The following ELMO1 variants were observed in gnomAD, a reference collection of about 807,000 sequenced individuals.
ELMO1 encodes the protein engulfment and cell motility protein 1.
Under a neutral mutation model 98.9 loss-of-function variants are expected in ELMO1, and 26 were observed. The observed-to-expected ratio is 0.26, with a 90% CI of 0.19 to 0.36. The LOEUF is 0.36. Among genes scored for constraint, ELMO1 ranks in the 10% least tolerant of loss-of-function variants. ELMO1 has a pLI of 1.00. For missense variants in ELMO1, 627 were observed against 935.2 expected, an observed-to-expected ratio of 0.67 and a Z score of 4.30; for synonymous variants, 346 against 346.0, an observed-to-expected ratio of 1.00 and a Z score of 0.00.
chr7:36,950,322 T>G (rs1355049954), intron 16 of ELMO1, among the ~76,000 whole-genome samples: 1 of 152,218 alleles, frequency 6.6e-6, no homozygotes, highest in Non-Finnish European at 1.5e-5. Context: ...TAGCTTTTTA[T>G]GTAACCAGCC....
Position 37,103,574 on chromosome 7 carries a change from A to G in ELMO1, c.1192-6847T>C, listed in dbSNP as rs562314249. Reference sequence around the variant, plus strand: ...TATGATACCTAACATTAGGTTATCTAATGTTAAATGACGAGTTAATGGGTG... The same window carrying G: ...TATGATACCTAACATTAGGTTATCTGATGTTAAATGACGAGTTAATGGGTG... On this transcript the variant is annotated intron_variant, in intron 14 of 21. Coordinates refer to ENST00000310758, the MANE Select transcript of ELMO1 (RefSeq NM_014800.11). Among the ~76,000 whole-genome samples the G allele has an allele frequency of 2.1e-3, 320 of 152,066 alleles. 1 individual carries two copies. Among genetic ancestry groups the G allele is most frequent in the East Asian group, 2.3e-3 (12 of 5,160 alleles).
intron 13 of ELMO1, among the ~76,000 whole-genome samples, chr7:37,138,631 A>G (rs1787420242): frequency 6.6e-6 from 1 of 152,226 alleles, no homozygotes; most frequent in Non-Finnish European, 1.5e-5. Flanking sequence ...TCACAGCTGA[A>G]TTCTATCAGA....
intron 4 of ELMO1, among the ~76,000 whole-genome samples, chr7:37,305,041 C>T (rs1330874325): frequency 6.6e-6 from 1 of 152,136 alleles, no homozygotes; most frequent in Admixed American, 6.6e-5. Flanking sequence ...TTTTCCTTCA[C>T]AGAAGCTCTA....
chr7:37,315,226 G>C (rs1799091398), intron 3 of ELMO1, among the ~76,000 whole-genome samples: 1 of 152,102 alleles, frequency 6.6e-6, no homozygotes, highest in South Asian at 2.1e-4. Context: ...CTTATTTTAA[G>C]GGATTGAAGC....
intron 13 of ELMO1, among the ~76,000 whole-genome samples, chr7:37,188,682 C>A (rs1028418397): frequency 6.6e-6 from 1 of 151,652 alleles, no homozygotes; most frequent in African/African-American, 2.4e-5. Context: ...TTAGAAACAG[C>A]CACTTTCTAA....
chr7:36,966,359 T>C (rs1273588514), intron 16 of ELMO1, among the ~76,000 whole-genome samples: 3 of 152,210 alleles, frequency 2.0e-5, no homozygotes, highest in Admixed American at 6.5e-5. Flanking sequence ...TGGAATCCTT[T>C]GTGTAACACT....
At chr7:37,332,610 G>A (rs1410801939) in intron 2 of ELMO1, among the ~76,000 whole-genome samples, 1 of 152,224 alleles carries the variant, frequency 6.6e-6, no homozygotes, top group Non-Finnish European at 1.5e-5. Context: ...ATAATTTCTA[G>A]TTAAGAGAAA....
intron 15 of ELMO1, among the ~76,000 whole-genome samples, chr7:37,091,040 G>A (rs527807262): frequency 6.6e-6 from 1 of 152,300 alleles, no homozygotes; most frequent in Non-Finnish European, 1.5e-5. Context: ...ATTCAAAAGA[G>A]AGTAATTGAT....
rs911958587 is a variant in ELMO1, at chr7:36,963,088, G to C, written c.1437+50211C>G. On this transcript the variant is annotated intron_variant, in intron 16 of 21. Transcript: ENST00000310758. ...ACACTTGAGTGTCATGTAGTAATTAGTAATGGCATCTTTGAGCTGGGCGTG... is the reference window on the plus strand; with the variant it reads ...ACACTTGAGTGTCATGTAGTAATTACTAATGGCATCTTTGAGCTGGGCGTG... Among the ~76,000 whole-genome samples, 4 of 152,168 alleles carry C rather than the reference G, an allele frequency of 2.6e-5. No individual in the cohort carries two copies. In the East Asian group the frequency reaches 7.7e-4, roughly 29 times the overall value.
At chr7:37,161,753 A>G (rs1291397120) in intron 13 of ELMO1, among the ~76,000 whole-genome samples, 1 of 150,882 alleles carries the variant, frequency 6.6e-6, no homozygotes, top group East Asian at 2.0e-4. Flanking sequence ...AAACACTTTA[A>G]TTACTACCTT....
intron 4 of ELMO1, among the ~76,000 whole-genome samples, chr7:37,300,816 T>C (rs1798301962): frequency 1.3e-5 from 2 of 151,658 alleles, no homozygotes; most frequent in African/African-American, 4.8e-5. Flanking sequence ...TCTTTTTCTA[T>C]TGATTGGAAT....
Position 36,855,796 on chromosome 7 carries a change from C to T in ELMO1, c.1984-45G>A, listed in dbSNP as rs1466285286. On this transcript the variant is annotated intron_variant, in intron 21 of 21. Coordinates refer to ENST00000310758, the MANE Select transcript of ELMO1 (RefSeq NM_014800.11). The surrounding 1 kb of genome is among the most constrained non-coding windows in gnomAD (Gnocchi z 4.2). ...CAGCGATCATTACTGGTGGCAATTA[C>T]AGAAGTATTAATAGTAAAAATAGCT... 6.2e-7 allele frequency: 1 copy of T among 1,607,886 alleles called. No individual in the cohort carries two copies. The highest frequency in any genetic ancestry group is 1.1e-5 in the South Asian group (1 of 90,860).
At chr7:37,408,933 G>T (rs145294928) in intron 1 of ELMO1, among the ~76,000 whole-genome samples, 182 of 152,254 alleles carry the variant, frequency 1.2e-3, no homozygotes, top group African/African-American at 4.2e-3. Context: ...CAAAAAAATT[G>T]TTTTAATAAA....
intron 1 of ELMO1, among the ~76,000 whole-genome samples, chr7:37,417,050 G>A (rs1583720924): frequency 6.6e-6 from 1 of 152,288 alleles, no homozygotes; most frequent in East Asian, 1.9e-4. Flanking sequence ...ACTCTGCCAA[G>A]CATGATTTCA....
chr7:37,415,309 G>A (rs1001569772), intron 1 of ELMO1, among the ~76,000 whole-genome samples: 1 of 152,196 alleles, frequency 6.6e-6, no homozygotes, highest in Non-Finnish European at 1.5e-5. Flanking sequence ...AAATACAGAG[G>A]TCTTTGGAAT....
At chr7:36,909,275 T>C (rs576762056) in intron 16 of ELMO1, among the ~76,000 whole-genome samples, 2 of 152,338 alleles carry the variant, frequency 1.3e-5, no homozygotes, top group East Asian at 3.9e-4. Context: ...TTATTATAAA[T>C]GAAATCCATC....
chr7:37,161,905 A>AATATATATATATATATATATAT (rs6150082), intron 13 of ELMO1, among the ~76,000 whole-genome samples: 939 of 42,246 alleles, frequency 0.022, 133 homozygotes, highest in Non-Finnish European at 0.031. Context: ...CAGGTAATCA[A>AATATATATATATATATATATAT]ATATATATAT....
At position 37,342,879 on chromosome 7, in the gene ELMO1, G is replaced by A. The variant is rs73112678; in HGVS notation, c.-73-116C>T. ...TTTGGTATGAAAAACGGCTCCCCTT[G>A]GTGCCTGGGTGCTGAAGGTGCAGGG... On this transcript the variant is annotated intron_variant, in intron 1 of 21. Transcript: ENST00000310758. The surrounding 1 kb of genome is among the most constrained non-coding windows in gnomAD (Gnocchi z 4.3). The A allele has an allele frequency of 5.5e-6, 3 of 549,484 alleles. No homozygotes were observed. Among genetic ancestry groups the A allele is most frequent in the Non-Finnish European group, 6.3e-6 (2 of 315,150 alleles). 34.0% of individuals were successfully genotyped at this position (549,484 alleles called of 1,614,324 possible).
intron 14 of ELMO1, among the ~76,000 whole-genome samples, chr7:37,129,902 G>A (rs145901956): frequency 3.9e-3 from 592 of 152,182 alleles, no homozygotes; most frequent in Middle Eastern, 6.8e-3. Context: ...GCCATGCCCC[G>A]TTTGCCAGTC....
Sources: allele counts gnomAD v4.1 joint callset (sites outside exome capture counted in the v4.1 genomes callset), GRCh38; gene constraint gnomAD v4.1.1; non-coding constraint Gnocchi (gnomAD v3.1); transcripts MANE v1.5; gene names NCBI Gene and HGNC (gene_info 2026-07-23, HGNC 2026-07-21).